HS6ST3: variants seen among roughly 807,000 people sequenced by gnomAD.
The protein encoded by HS6ST3 is heparan-sulfate 6-O-sulfotransferase 3.
A neutral mutation model predicts 36.7 loss-of-function variants in HS6ST3; 12 were observed. The ratio of observed to expected loss-of-function variants is 0.33; its 90% CI spans 0.21 to 0.53. The LOEUF (loss-of-function observed/expected upper bound fraction) is 0.53, where lower values mean the gene tolerates loss of function less well. Ranked by LOEUF, HS6ST3 falls within the 20% of genes least tolerant of loss-of-function variation. The probability of loss-of-function intolerance (pLI) is 0.95; values close to 1 mark genes in which losing one functional copy is unlikely to be tolerated. For missense variants in HS6ST3, 584 were observed against 640.9 expected, an observed-to-expected ratio of 0.91 and a Z score of 0.96; for synonymous variants, 240 against 257.5, an observed-to-expected ratio of 0.93 and a Z score of 0.65.
chr13:96,645,267 T>C (rs2056584911), intron 1 of HS6ST3, among the ~76,000 whole-genome samples: 1 of 151,900 alleles, frequency 6.6e-6, no homozygotes, highest in African/African-American at 2.4e-5. Flanking sequence ...TTGTTTTGTT[T>C]TGTTTTAGGA....
intron 1 of HS6ST3, among the ~76,000 whole-genome samples, chr13:96,388,520 C>T (rs982595661): frequency 6.6e-6 from 1 of 152,080 alleles, no homozygotes; most frequent in South Asian, 2.1e-4. Context: ...GGCCCATAGG[C>T]CTAGAGCTGA....
intron 1 of HS6ST3, among the ~76,000 whole-genome samples, chr13:96,598,501 G>A (rs765185406): frequency 1.3e-5 from 2 of 152,048 alleles, no homozygotes; most frequent in Admixed American, 6.6e-5. Context: ...ATATAACAGT[G>A]CTACTGATCT....
intron 1 of HS6ST3, among the ~76,000 whole-genome samples, chr13:96,407,767 T>C (rs958952401): frequency 8.5e-5 from 13 of 152,072 alleles, no homozygotes; most frequent in Admixed American, 7.9e-4. Context: ...GAGAATAATT[T>C]TAAGTAAAAT....
intron 1 of HS6ST3, among the ~76,000 whole-genome samples, chr13:96,538,506 C>A (rs1174373727): frequency 6.6e-6 from 1 of 152,178 alleles, no homozygotes; most frequent in Non-Finnish European, 1.5e-5. Flanking sequence ...TGCAGTGGCA[C>A]GATCTTGGCT....
intron 1 of HS6ST3, among the ~76,000 whole-genome samples, chr13:96,694,028 T>G (rs976310043): frequency 2.6e-5 from 4 of 152,180 alleles, no homozygotes; most frequent in Non-Finnish European, 5.9e-5. Flanking sequence ...TTTTTTAATT[T>G]TATTTTAAAT....
chr13:96,540,291 A>G (rs1594802867), intron 1 of HS6ST3, among the ~76,000 whole-genome samples: 1 of 152,182 alleles, frequency 6.6e-6, no homozygotes, highest in Admixed American at 6.5e-5. Flanking sequence ...CTACTTTCCA[A>G]GACAAATTTT....
intron 1 of HS6ST3, among the ~76,000 whole-genome samples, chr13:96,372,866 A>G (rs932052098): frequency 1.6e-4 from 24 of 152,064 alleles, no homozygotes; most frequent in Middle Eastern, 3.4e-3. Flanking sequence ...TAGAATTTGG[A>G]TTTTTTAAAA....
At chr13:96,341,323 G>A (rs1842262594) in intron 1 of HS6ST3, among the ~76,000 whole-genome samples, 1 of 150,062 alleles carries the variant, frequency 6.7e-6, no homozygotes, top group Admixed American at 6.6e-5. Flanking sequence ...TTTGGAGAAG[G>A]ACTAATTTTT....
chr13:96,159,921 T>C (rs2054128140), intron 1 of HS6ST3, among the ~76,000 whole-genome samples: 1 of 152,084 alleles, frequency 6.6e-6, no homozygotes. Flanking sequence ...CTCTGCTTGA[T>C]CTCTTATTAG....
At chr13:96,381,451 G>T (rs1287967018) in intron 1 of HS6ST3, among the ~76,000 whole-genome samples, 1 of 85,188 alleles carries the variant, frequency 1.2e-5, no homozygotes, top group Non-Finnish European at 3.2e-5. Flanking sequence ...TCATTCCAAG[G>T]CCAGTGTTTC....
At chr13:96,112,799 G>A (rs940252601) in intron 1 of HS6ST3, among the ~76,000 whole-genome samples, 2 of 151,084 alleles carry the variant, frequency 1.3e-5, no homozygotes, top group Non-Finnish European at 3.0e-5. Context: ...CATGTATAGT[G>A]AAGACAACAT....
intron 1 of HS6ST3, among the ~76,000 whole-genome samples, chr13:96,803,288 C>T (rs1434112759): frequency 1.3e-5 from 2 of 152,174 alleles, no homozygotes; most frequent in African/African-American, 4.8e-5. Context: ...TACAAAATAA[C>T]AACACTTCTC....
chr13:96,300,463 C>G (rs915760816), intron 1 of HS6ST3, among the ~76,000 whole-genome samples: 1 of 152,114 alleles, frequency 6.6e-6, no homozygotes, highest in African/African-American at 2.4e-5. Context: ...CCAGGTCCCT[C>G]CTCCAACACT....
At chr13:96,207,907 G>C (rs2139355680) in intron 1 of HS6ST3, among the ~76,000 whole-genome samples, 1 of 152,176 alleles carries the variant, frequency 6.6e-6, no homozygotes, top group Middle Eastern at 3.4e-3. Flanking sequence ...GTGATGGGAT[G>C]ATCTATGTAG....
chr13:96,547,739 C>A (rs1176421690), intron 1 of HS6ST3, among the ~76,000 whole-genome samples: 3 of 151,998 alleles, frequency 2.0e-5, no homozygotes, highest in African/African-American at 7.2e-5. Flanking sequence ...GGAGTTTGGC[C>A]GGCGTATCTA....
chr13:96,223,561 C>T (rs746982218), intron 1 of HS6ST3, among the ~76,000 whole-genome samples: 1 of 152,082 alleles, frequency 6.6e-6, no homozygotes, highest in Non-Finnish European at 1.5e-5. Flanking sequence ...TTGACATTCA[C>T]GGATGGACCA....
At chr13:96,475,404 G>A (rs1293971413) in intron 1 of HS6ST3, among the ~76,000 whole-genome samples, 2 of 151,972 alleles carry the variant, frequency 1.3e-5, no homozygotes, top group African/African-American at 4.8e-5. Context: ...AAGGCTTTGG[G>A]CACTAATACA....
chr13:96,511,299 A>G (rs1282974603), intron 1 of HS6ST3, among the ~76,000 whole-genome samples: 5 of 152,076 alleles, frequency 3.3e-5, no homozygotes, highest in Non-Finnish European at 5.9e-5. Flanking sequence ...GAGTTGAACA[A>G]TGTGATAGAC....
chr13:96,766,920 G>C (rs1020412471), intron 1 of HS6ST3, among the ~76,000 whole-genome samples: 1 of 152,200 alleles, frequency 6.6e-6, no homozygotes, highest in Non-Finnish European at 1.5e-5. Context: ...TCTGAGGGTA[G>C]TTTGCTTTTG....
Sources: gnomAD v4.1 joint callset for allele counts (sites outside exome capture counted in the v4.1 genomes callset) on GRCh38, gnomAD v4.1.1 for gene constraint, MANE v1.5 for transcripts, NCBI Gene and HGNC (gene_info 2026-07-23, HGNC 2026-07-21) for gene names.